The following MAN2C1 variants were observed in gnomAD, a reference collection of about 807,000 sequenced individuals.
MAN2C1 encodes the protein mannosidase alpha class 2C member 1, also known as alpha-mannosidase 2C1.
A neutral mutation model predicts 126.9 loss-of-function variants in MAN2C1; 111 were observed. The ratio of observed to expected loss-of-function variants is 0.87; its 90% CI spans 0.75 to 1.02. The LOEUF is 1.02. Ranked by LOEUF, MAN2C1 falls within the 50% of genes least tolerant of loss-of-function variation. The pLI, the probability that MAN2C1 is intolerant of heterozygous loss-of-function variation, is 0.00. For synonymous variants in MAN2C1, 567 were observed against 561.5 expected, an observed-to-expected ratio of 1.01 and a Z score of -0.14; for missense variants, 1,363 against 1,364.4, an observed-to-expected ratio of 1.00 and a Z score of 0.02.
At position 75,364,629 on chromosome 15, in the gene MAN2C1, G is replaced by T; in HGVS notation, c.459C>A (p.Leu153=). The change falls in exon 5 of 26, where the codon CTC becomes CTA. Residue 153 remains leucine (L), a synonymous_variant. Coordinates refer to ENST00000267978, the MANE Select transcript of MAN2C1 (RefSeq NM_006715.4). ...TLYVEVACNG[L]LGAGKGSMIA... is the part of the protein sequence containing the mutation. ...TCATGCTTCCCTTCCCGGCCCCCAG[G>T]AGCCCATTGCAGGCTACTTCCACAT... 6.2e-7 allele frequency: 1 copy of T among 1,613,510 alleles called. No homozygotes were observed. The highest frequency in any genetic ancestry group is 8.5e-7 in the Non-Finnish European group (1 of 1,179,742).
In MAN2C1 at chr15:75,368,141, T is replaced by G. The variant is rs774796077; in HGVS notation, c.159A>C (p.Arg53Ser). 1 of 1,605,340 alleles carries G rather than the reference T, an allele frequency of 6.2e-7. No individual in the cohort carries two copies. Among genetic ancestry groups the G allele is most frequent in the South Asian group, 1.1e-5 (1 of 89,716 alleles). Reference sequence around the variant, plus strand: ...GCTGGACTGCCTCCTGGTAGGGAAGTCTCTCCGGCGTCAGGAAGCTGGAGA... The same window carrying G: ...GCTGGACTGCCTCCTGGTAGGGAAGGCTCTCCGGCGTCAGGAAGCTGGAGA... ...AVLSSFLTPE[R>S]LPYQEAVQRD... Residue 53 changes from arginine to serine, a missense_variant, in exon 2 of 26, where the codon AGA becomes AGC. This residue lies in a region of MAN2C1 where 628 missense variants were observed against 609.8 expected (regional missense o/e 1.03). Coordinates refer to ENST00000267978, the MANE Select transcript of MAN2C1 (RefSeq NM_006715.4).
At position 75,362,795 on chromosome 15, in the gene MAN2C1, C is replaced by T. The variant is rs1262742509; in HGVS notation, c.791-47G>A. The T allele has an allele frequency of 2.6e-6, 4 of 1,542,932 alleles. No individual in the cohort carries two copies. The highest frequency in any genetic ancestry group is 2.7e-5 in the African/African-American group (2 of 73,516). On this transcript the variant is annotated intron_variant, in intron 6 of 25. Transcript: ENST00000267978. The surrounding 1 kb of genome is among the most constrained non-coding windows in gnomAD (Gnocchi z 4.5). ...GGACAGAGGGAGCAGCAAGGCTGAC[C>T]AGGCCTGGGCTGGGACTCCAGAGGG...
intron 6 of MAN2C1, 146 bp downstream of exon 6, chr15:75,363,853 C>G (rs772971341): frequency 2.4e-6 from 2 of 829,448 alleles, no homozygotes; most frequent in Non-Finnish European, 1.9e-6. Context: ...CACAGTCCAG[C>G]CCCCCGGCCC....
chr15:75,359,421 C>G lies in MAN2C1; in HGVS notation c.1953G>C (p.Leu651=). Reference sequence around the variant, plus strand: ...CATAGCCCATGCTGGGCACTGTCACCAGGGCTGGGGGTGAGGCCTGGGCAT... The same window carrying G: ...CATAGCCCATGCTGGGCACTGTCACGAGGGCTGGGGGTGAGGCCTGGGCAT... ...PKPGGAHSLA[L]VTVPSMGYAP... is the part of the protein sequence containing the mutation. The change falls in exon 17 of 26, where the codon CTG becomes CTC. Residue 651 remains leucine (L), a synonymous_variant. Coordinates refer to ENST00000267978, the MANE Select transcript of MAN2C1 (RefSeq NM_006715.4). 6.2e-7 allele frequency: 1 copy of G among 1,610,738 alleles called. No homozygotes were observed. Among genetic ancestry groups the G allele is most frequent in the South Asian group, 1.1e-5 (1 of 90,848 alleles).
Position 75,358,442 on chromosome 15 carries a change from ACCCCCTACCCC to A in MAN2C1, c.2403+9_2403+19del. 6.2e-7 allele frequency: 1 copy of A among 1,612,752 alleles called. No individual in the cohort carries two copies. The highest frequency in any genetic ancestry group is 1.7e-5 in the Admixed American group (1 of 59,982). On this transcript the variant is annotated intron_variant, in intron 20 of 25. Transcript: ENST00000267978. ...CCAAGCACACTTGGGGAAAACAGCC[ACCCCCTACCCC>A]CCGACTACCTCGGTGTGGAAGCGGA...
rs760201708 is a variant in MAN2C1 at position 75,359,072 on chromosome 15, C to G, written c.2128G>C (p.Val710Leu). The change falls in exon 18 of 26, where the codon GTG (valine) becomes CTG (leucine). Residue 710 changes from valine (V) to leucine (L), a missense_variant. Physicochemically the swap from Val to Leu is conservative, Grantham distance 32. Coordinates refer to ENST00000267978, the MANE Select transcript of MAN2C1 (RefSeq NM_006715.4). ...PTGRLTSLVL[V>L]ASGREAIAEG... ...AGGATTTGGCACCTGCCAGAGGCCA[C>G]CAGGACCAAGGACGTCAGGCGACCA... is the stretch of plus-strand genomic sequence containing the variant. 1.9e-6 allele frequency: 3 copies of G among 1,613,944 alleles called. No homozygotes were observed. The Admixed American group carries it at 5.0e-5, about 27-fold the overall frequency.
intron 14 of MAN2C1, 24 bp from the exon 15 acceptor site, chr15:75,360,012 G>A: frequency 6.2e-7 from 1 of 1,613,966 alleles, no homozygotes; most frequent in African/African-American, 1.3e-5. Flanking sequence ...GGGCAGGGAT[G>A]GGAAGGCTGG....
intron 21 of MAN2C1, chr15:75,357,899 G>T: frequency 3.0e-6 from 1 of 335,638 alleles, no homozygotes; most frequent in East Asian, 6.9e-5. Context: ...GATTACAGGC[G>T]TGAGTCACCA....
Position 75,356,529 on chromosome 15 carries a change from TTGCTGGGG to T in MAN2C1, c.2737+69_2737+76del. On this transcript the variant is annotated intron_variant, in intron 23 of 25. Transcript: ENST00000267978. This position sits in a 1 kb window ranked among gnomAD's most constrained non-coding sequence, Gnocchi z 5.8. ...TCCCTAGAAGGGGCAGGAAGCCAGG[TTGCTGGGG>T]TTTGGGCTCAGGGAAGGGCAGAGAG... 1 of 1,551,278 alleles carries T rather than the reference TTGCTGGGG, an allele frequency of 6.4e-7. No individual in the cohort carries two copies. Among genetic ancestry groups the T allele is most frequent in the Non-Finnish European group, 8.7e-7 (1 of 1,146,154 alleles).
Position 75,360,137 on chromosome 15 carries a change from G to A in MAN2C1, c.1659C>T (p.Arg553=). 1 of 1,613,780 alleles carries A rather than the reference G, an allele frequency of 6.2e-7. No individual in the cohort carries two copies. Among genetic ancestry groups the A allele is most frequent in the Non-Finnish European group, 8.5e-7 (1 of 1,180,022 alleles). ...CTGCTGGGTATAGGAACTGGGCACTGCGGGCCAGGGCCAGGCTACTGAGCA... is the reference window on the plus strand; with the variant it reads ...CTGCTGGGTATAGGAACTGGGCACTACGGGCCAGGGCCAGGCTACTGAGCA... ...VELLSSLALA[R]SAQFLYPAAQ... Residue 553 remains arginine (R), a synonymous_variant, in exon 14 of 26, where the codon CGC becomes CGT. Coordinates refer to ENST00000267978, the MANE Select transcript of MAN2C1 (RefSeq NM_006715.4).
chr15:75,361,150 G>T lies in MAN2C1; in HGVS notation c.1356C>A (p.Ala452=). 6.2e-7 allele frequency: 1 copy of T among 1,613,328 alleles called. No homozygotes were observed. The highest frequency in any genetic ancestry group is 8.5e-7 in the Non-Finnish European group (1 of 1,179,786). Residue 452 remains alanine (A), a synonymous_variant, in exon 12 of 26, where the codon GCC becomes GCA. Transcript: ENST00000267978. The surrounding 1 kb of genome is among the most constrained non-coding windows in gnomAD (Gnocchi z 5.0). The part of the protein sequence containing the change: ...TVANNRDKGR[A]NHSAFLFGFG... The stretch of plus-strand genomic sequence containing the variant: ...AGCCAAAGAGGAAGGCACTGTGGTT[G>T]GCCCGCCCCTTGTCCCGGTTGTTGG...
At position 75,356,545 on chromosome 15, in the gene MAN2C1, T is replaced by G. The variant is rs902161885; in HGVS notation, c.2737+61A>C. ...GAAGCCAGGTTGCTGGGGTTTGGGC[T>G]CAGGGAAGGGCAGAGAGGTGTCTAG... On this transcript the variant is annotated intron_variant, in intron 23 of 25. Transcript: ENST00000267978. This position sits in a 1 kb window ranked among gnomAD's most constrained non-coding sequence, Gnocchi z 5.8. The G allele has an allele frequency of 6.5e-7, 1 of 1,549,102 alleles. No homozygotes were observed. The highest frequency in any genetic ancestry group is 1.4e-5 in the African/African-American group (1 of 73,402).
chr15:75,365,919 T>C, intron 4 of MAN2C1: 1 of 438,114 alleles, frequency 2.3e-6, no homozygotes, highest in Admixed American at 2.6e-5. Context: ...ACCCTTTCTC[T>C]ACCAAAAATA....
In MAN2C1 at chr15:75,356,150, A is replaced by G. The variant is rs768176221; in HGVS notation, c.2956T>C (p.Cys986Arg). 6 of 1,613,718 alleles carry G rather than the reference A, an allele frequency of 3.7e-6. No individual in the cohort carries two copies. In the South Asian group the frequency reaches 5.5e-5, roughly 15 times the overall value. ...ACCGGCAGCGACAAGTGCAGCCAGC[A>G]GTCCACGTGGCTGCCGTGGGCCTCA... is the stretch of plus-strand genomic sequence containing the variant. The part of the protein sequence containing the change: ...LYEAHGSHVD[C>R]WLHLSLPVQE... Residue 986 changes from cysteine to arginine, a missense_variant, in exon 25 of 26, where the codon TGC becomes CGC. Cys to Arg is a radical substitution (Grantham distance 180). Transcript: ENST00000267978. This position sits in a 1 kb window ranked among gnomAD's most constrained non-coding sequence, Gnocchi z 5.8.
intron 13 of MAN2C1, 56 bp from the exon 14 acceptor site, chr15:75,360,267 T>C: frequency 6.3e-7 from 1 of 1,590,814 alleles, no homozygotes; most frequent in Non-Finnish European, 8.5e-7. Flanking sequence ...CCAGGACACC[T>C]TCCAAAGCCC....
chr15:75,368,099 C>G lies in MAN2C1; in HGVS notation c.201G>C (p.Ala67=), dbSNP rs1285253045. The G allele has an allele frequency of 6.2e-7, 1 of 1,607,570 alleles. No homozygotes were observed. Among genetic ancestry groups the G allele is most frequent in the Admixed American group, 1.7e-5 (1 of 59,448 alleles). ...QEAVQRDFRP[A]QVGDSFGPTW... ...TGGGTCCGAAGCTGTCGCCGACCTG[C>G]GCGGGGCGGAAGTCCCGCTGGACTG... Residue 67 remains alanine (A), a synonymous_variant, in exon 2 of 26, where the codon GCG becomes GCC. Coordinates refer to ENST00000267978, the MANE Select transcript of MAN2C1 (RefSeq NM_006715.4).
At chr15:75,363,155 C>T (rs1329345161) in intron 6 of MAN2C1, 6 of 457,542 alleles carry the variant, frequency 1.3e-5, no homozygotes, top group Admixed American at 2.3e-5. Flanking sequence ...ACAGCCTCTC[C>T]TGACTCCCAG....
rs1255819270 is a variant in MAN2C1 at position 75,361,274 on chromosome 15, G to A, written c.1314+12C>T. ...GCCTGCCCCTACCCCACCACCCTAG[G>A]TGACCCCTCACCTCCTCCACGCTGC... On this transcript the variant is annotated intron_variant, in intron 11 of 25. Transcript: ENST00000267978. This position sits in a 1 kb window ranked among gnomAD's most constrained non-coding sequence, Gnocchi z 5.0. 1 of 1,575,196 alleles carries A rather than the reference G, an allele frequency of 6.3e-7. No individual in the cohort carries two copies. The highest frequency in any genetic ancestry group is 1.2e-5 in the South Asian group (1 of 86,262).
rs1314100896 is a variant in MAN2C1 at position 75,358,637 on chromosome 15, C to T, written c.2247-19G>A. On this transcript the variant is annotated intron_variant, in intron 19 of 25. Coordinates refer to ENST00000267978, the MANE Select transcript of MAN2C1 (RefSeq NM_006715.4). Reference sequence around the variant, plus strand: ...AGGCTTCCTATGGGACAGGGGTGGACATACTGATCCAGAGCAGCCTGTGTT... The same window carrying T: ...AGGCTTCCTATGGGACAGGGGTGGATATACTGATCCAGAGCAGCCTGTGTT... 5.6e-6 allele frequency: 9 copies of T among 1,611,842 alleles called. No homozygotes were observed. The highest frequency in any genetic ancestry group is 2.2e-5 in the East Asian group (1 of 44,832).
Sources: allele counts gnomAD v4.1 joint callset, GRCh38; gene constraint gnomAD v4.1.1; regional missense constraint gnomAD v4.1.1; non-coding constraint Gnocchi (gnomAD v3.1); transcripts MANE v1.5; gene names NCBI Gene and HGNC (gene_info 2026-07-23, HGNC 2026-07-21).